Variants in MARK3 observed in about 807,000 individuals in gnomAD.
MARK3 encodes MAP/microtubule affinity-regulating kinase 3.
In MARK3, 46 loss-of-function variants were observed where a neutral mutation model predicts 90.1. The ratio of observed to expected loss-of-function variants is 0.51; its 90% CI spans 0.40 to 0.65. The LOEUF is 0.65. Among genes scored for constraint, MARK3 ranks in the 30% least tolerant of loss-of-function variants. MARK3 has a pLI of 0.00. For synonymous variants in MARK3, 321 were observed against 332.6 expected, an observed-to-expected ratio of 0.97 and a Z score of 0.38; for missense variants, 818 against 947.2, an observed-to-expected ratio of 0.86 and a Z score of 1.79.
chr14:103,430,225 T>C (rs1232139005), intron 3 of MARK3, among the ~76,000 whole-genome samples: 1 of 152,232 alleles, frequency 6.6e-6, no homozygotes, highest in African/African-American at 2.4e-5. Context: ...CCAAGTTAAA[T>C]AACTTGATAA....
Position 103,385,788 on chromosome 14 carries a change from A to C in MARK3, c.-242A>C, listed in dbSNP as rs1262059780. On this transcript the variant is annotated 5_prime_UTR_variant, in exon 1 of 18. Coordinates refer to ENST00000429436, the MANE Select transcript of MARK3 (RefSeq NM_001128918.3). ...CGCCGCCCGCAGGCTCGGCTCCGCC[A>C]CTGCCGCCCTCCCGGTCTCCTCGCC... 4 of 403,700 alleles carry C rather than the reference A, an allele frequency of 9.9e-6. No individual in the cohort carries two copies. Among genetic ancestry groups the C allele is most frequent in the Non-Finnish European group, 1.3e-5 (3 of 229,074 alleles). 25.0% of individuals were successfully genotyped at this position (403,700 alleles called of 1,614,324 possible). A position where few individuals can be genotyped will look rare whatever the true frequency, so the allele number is the denominator to read the frequency against.
intron 12 of MARK3, among the ~76,000 whole-genome samples, chr14:103,471,673 A>G (rs888246533): frequency 2.0e-5 from 3 of 152,022 alleles, no homozygotes; most frequent in Admixed American, 6.6e-5. Context: ...GCTACGATGT[A>G]ATCTGTAGCT....
chr14:103,415,353 GA>G (rs2091900813), intron 2 of MARK3, among the ~76,000 whole-genome samples: 1 of 151,988 alleles, frequency 6.6e-6, no homozygotes, highest in East Asian at 1.9e-4. Context: ...CTTCCCACAG[GA>G]TGACCATGAA....
intron 1 of MARK3, among the ~76,000 whole-genome samples, chr14:103,390,268 C>T (rs530779755): frequency 1.3e-5 from 2 of 152,204 alleles, no homozygotes; most frequent in African/African-American, 4.8e-5. Context: ...TTCACTGTTG[C>T]TGCATCGTGT....
intron 5 of MARK3, among the ~76,000 whole-genome samples, chr14:103,452,750 C>T (rs1028639223): frequency 1.3e-5 from 2 of 152,230 alleles, no homozygotes; most frequent in South Asian, 2.1e-4. Flanking sequence ...GGATTACAGG[C>T]GTGAGCCACC....
chr14:103,406,011 C>T (rs908469300), intron 2 of MARK3, among the ~76,000 whole-genome samples: 16 of 152,218 alleles, frequency 1.1e-4, no homozygotes, highest in Admixed American at 2.6e-4. Flanking sequence ...CCACCTCAGC[C>T]TCTCGAGTAG....
chr14:103,389,138 G>A (rs537270916), intron 1 of MARK3, among the ~76,000 whole-genome samples: 2 of 152,182 alleles, frequency 1.3e-5, no homozygotes, highest in South Asian at 2.1e-4. Context: ...GCTGAGGCTG[G>A]CGGATCACGA....
At chr14:103,418,313 C>T (rs1210608197) in intron 2 of MARK3, among the ~76,000 whole-genome samples, 1 of 148,226 alleles carries the variant, frequency 6.7e-6, no homozygotes, top group Non-Finnish European at 1.5e-5. Flanking sequence ...TTCTTGTTAC[C>T]GCTCTTTCAT....
At chr14:103,387,189 T>A (rs1483434834) in intron 1 of MARK3, among the ~76,000 whole-genome samples, 1 of 152,230 alleles carries the variant, frequency 6.6e-6, no homozygotes, top group East Asian at 1.9e-4. Flanking sequence ...TGTTGTGGCC[T>A]AGTGGAGTTA....
At chr14:103,388,422 C>G (rs2089977247) in intron 1 of MARK3, among the ~76,000 whole-genome samples, 1 of 152,200 alleles carries the variant, frequency 6.6e-6, no homozygotes, top group African/African-American at 2.4e-5. Context: ...ATATTAATTA[C>G]CTACATTACT....
chr14:103,403,378 C>G, intron 1 of MARK3, among the ~76,000 whole-genome samples: 1 of 143,946 alleles, frequency 6.9e-6, no homozygotes, highest in Admixed American at 7.0e-5. Context: ...GTGTGTAACT[C>G]AGTAAATATT....
chr14:103,408,188 C>CG (rs796327745), intron 2 of MARK3, among the ~76,000 whole-genome samples: 68 of 151,728 alleles, frequency 4.5e-4, no homozygotes, highest in African/African-American at 1.1e-3. Context: ...TGTTTTTTGG[C>CG]GGGGGGGAGG....
At chr14:103,391,017 A>AT (rs1352949919) in intron 1 of MARK3, among the ~76,000 whole-genome samples, 1 of 152,170 alleles carries the variant, frequency 6.6e-6, no homozygotes, top group African/African-American at 2.4e-5. Context: ...AGTCAAAACT[A>AT]TTTTTTAAAA....
At chr14:103,416,681 C>T (rs1474073768) in intron 2 of MARK3, among the ~76,000 whole-genome samples, 4 of 151,994 alleles carry the variant, frequency 2.6e-5, no homozygotes, top group African/African-American at 9.7e-5. Context: ...CTGAGGCAGG[C>T]GAATTGCTTG....
Position 103,503,426 on chromosome 14 carries a change from CGCCCCCT to C in MARK3, c.*204_*210del, listed in dbSNP as rs1281296155. On this transcript the variant is annotated 3_prime_UTR_variant, in exon 18 of 18. Transcript: ENST00000429436. Reference sequence around the variant, plus strand: ...CTACATTAAAGATGTGCAACCTATGCGCCCCCTGCCCTACTTCCGTTACCCTGAGAGT... The same window carrying C: ...CTACATTAAAGATGTGCAACCTATGCGCCCTACTTCCGTTACCCTGAGAGT... 1.4e-5 allele frequency: 8 copies of C among 574,908 alleles called. No homozygotes were observed. In the African/African-American group the frequency reaches 1.5e-4, roughly 11 times the overall value. The allele number at this position is 574,908 out of a possible 1,614,324, so 35.6% of individuals were successfully genotyped here. A position where few individuals can be genotyped will look rare whatever the true frequency, so the allele number is the denominator to read the frequency against.
rs748055431 is a variant in MARK3, at chr14:103,465,626, A to T, written c.610A>T (p.Thr204Ser). The T allele has an allele frequency of 3.7e-6, 6 of 1,614,084 alleles. No individual in the cohort carries two copies. The highest frequency in any genetic ancestry group is 5.1e-6 in the Non-Finnish European group (6 of 1,180,044). Residue 204 changes from threonine (T) to serine (S), a missense_variant, in exon 8 of 18, where the codon ACT becomes TCT. By Grantham distance (58) the Thr-to-Ser change is moderately conservative. Around this residue, in one of 3 missense-constraint regions of MARK3, gnomAD observed 101 missense variants for 175.1 expected, o/e 0.58. Transcript: ENST00000429436. ...AGATTTCGGTTTTAGCAATGAATTT[A>T]CTGTTGGCGGTAAACTCGACACGTT... is the stretch of plus-strand genomic sequence containing the variant. ...IADFGFSNEFTVGGKLDTFCG... is the reference protein window; with the variant it reads ...IADFGFSNEFSVGGKLDTFCG...
At chr14:103,410,387 G>T (rs1165264811) in intron 2 of MARK3, among the ~76,000 whole-genome samples, 5 of 152,162 alleles carry the variant, frequency 3.3e-5, no homozygotes, top group Non-Finnish European at 7.3e-5. Flanking sequence ...CAGCAATTAC[G>T]TTTCACCATG....
chr14:103,437,287 G>A (rs553000321), intron 3 of MARK3, among the ~76,000 whole-genome samples: 3 of 151,902 alleles, frequency 2.0e-5, no homozygotes, highest in Admixed American at 2.0e-4. Context: ...TTATAAACTC[G>A]GGAAGCTGAG....
chr14:103,441,764 T>C (rs1416294231), intron 3 of MARK3, among the ~76,000 whole-genome samples: 1 of 152,246 alleles, frequency 6.6e-6, no homozygotes, highest in Non-Finnish European at 1.5e-5. Context: ...CTCTCCTTTC[T>C]TTGCTGATCT....
Sources: gnomAD v4.1 joint callset for allele counts (sites outside exome capture counted in the v4.1 genomes callset) on GRCh38, gnomAD v4.1.1 for gene constraint, gnomAD v4.1.1 regional missense constraint, MANE v1.5 for transcripts, NCBI Gene and HGNC (gene_info 2026-07-23, HGNC 2026-07-21) for gene names.